STOX2: variants seen among roughly 807,000 people sequenced by gnomAD.
STOX2 encodes storkhead box 2.
A neutral mutation model predicts 60.9 loss-of-function variants in STOX2; 28 were observed. The observed-to-expected ratio is 0.46, with a 90% CI of 0.34 to 0.63. The LOEUF is 0.63. STOX2 is among the 30% of genes least tolerant of loss of function. The pLI is 0.01. For synonymous variants in STOX2, 472 were observed against 463.9 expected (o/e 1.02, Z -0.22); for missense variants, 1,024 against 1,187.7 (o/e 0.86, Z 2.03).
At chr4:183,818,303 C>T (rs557064910) in intron 1 of STOX2, among the ~76,000 whole-genome samples, 12 of 151,790 alleles carry the variant, frequency 7.9e-5, no homozygotes, top group Admixed American at 2.6e-4. Context: ...TGACTCTTAA[C>T]GAGCATGCTG....
At chr4:183,805,068 C>T (rs1404808097) in intron 1 of STOX2, among the ~76,000 whole-genome samples, 1 of 152,136 alleles carries the variant, frequency 6.6e-6, no homozygotes, top group Non-Finnish European at 1.5e-5. Context: ...TGAGGTCGAT[C>T]ATATATTTTG....
At chr4:183,953,917 C>T (rs1743168080) in intron 1 of STOX2, among the ~76,000 whole-genome samples, 1 of 152,108 alleles carries the variant, frequency 6.6e-6, no homozygotes, top group African/African-American at 2.4e-5. Flanking sequence ...CAGAGTCCTA[C>T]AGCTGGTGTG....
At chr4:183,930,240 AC>A (rs1416803412) in intron 1 of STOX2, among the ~76,000 whole-genome samples, 1 of 149,922 alleles carries the variant, frequency 6.7e-6, no homozygotes, top group Non-Finnish European at 1.5e-5. Flanking sequence ...GTCATAGCTC[AC>A]TGCAGCCACA....
In STOX2 at chr4:184,023,362, A is replaced by C. The variant is rs1195079002; in HGVS notation, c.*6078A>C. 1 of 152,222 alleles carries C rather than the reference A, an allele frequency of 6.6e-6. No individual in the cohort carries two copies. Among genetic ancestry groups the C allele is most frequent in the Non-Finnish European group, 1.5e-5 (1 of 68,026 alleles). 9.4% of individuals were successfully genotyped at this position (152,222 alleles called of 1,614,324 possible). ...TAAATGATGATTACTTGTCATGCTTAGTATAATAACTTAAAAGAAAAAAAA... is the reference window on the plus strand; with the variant it reads ...TAAATGATGATTACTTGTCATGCTTCGTATAATAACTTAAAAGAAAAAAAA... On this transcript the variant is annotated 3_prime_UTR_variant, in exon 4 of 4. Transcript: ENST00000308497.
intron 1 of STOX2, among the ~76,000 whole-genome samples, chr4:183,827,439 C>T (rs899032315): frequency 2.0e-5 from 3 of 151,982 alleles, no homozygotes; most frequent in African/African-American, 4.8e-5. Context: ...CTGCAGTGAG[C>T]TGGGATCATA....
chr4:183,923,911 G>T (rs1285566862), intron 1 of STOX2, among the ~76,000 whole-genome samples: 1 of 152,198 alleles, frequency 6.6e-6, no homozygotes, highest in African/African-American at 2.4e-5. Flanking sequence ...ACACTCTGTA[G>T]ACTGTGGTTC....
chr4:183,910,430 T>C (rs903053405), intron 1 of STOX2, among the ~76,000 whole-genome samples: 14 of 152,218 alleles, frequency 9.2e-5, no homozygotes, highest in Non-Finnish European at 1.8e-4. Flanking sequence ...TTGTGAGAGC[T>C]TTCTCTGTTA....
rs551938103 is a variant in STOX2, at chr4:183,897,865, C to T, written c.364+99810C>T. Among the ~76,000 whole-genome samples, 3 of 152,272 alleles carry T rather than the reference C, an allele frequency of 2.0e-5. No individual in the cohort carries two copies. The East Asian group carries it at 5.8e-4, about 29-fold the overall frequency. On this transcript the variant is annotated intron_variant, in intron 1 of 2. Transcript: ENST00000513034. ...AACTGCATTCACATTGGGGCTTCTCCACGCTGGTTAACATAAAAAGTGAAA... is the reference window on the plus strand; with the variant it reads ...AACTGCATTCACATTGGGGCTTCTCTACGCTGGTTAACATAAAAAGTGAAA...
intron 1 of STOX2, among the ~76,000 whole-genome samples, chr4:183,971,038 G>C (rs1446440244): frequency 6.6e-6 from 1 of 152,160 alleles, no homozygotes; most frequent in African/African-American, 2.4e-5. Context: ...TTGGGGTCAG[G>C]TTATTTGTAC....
chr4:183,864,851 C>A (rs528468455), intron 1 of STOX2, among the ~76,000 whole-genome samples: 1 of 152,194 alleles, frequency 6.6e-6, no homozygotes, highest in Non-Finnish European at 1.5e-5. Flanking sequence ...ACTTATCCGT[C>A]CCAGCAAAAC....
chr4:183,838,626 G>A (rs888757116), intron 1 of STOX2, among the ~76,000 whole-genome samples: 5 of 152,164 alleles, frequency 3.3e-5, no homozygotes, highest in African/African-American at 7.2e-5. Context: ...CCACAGCCTC[G>A]CCAGTGTGTG....
chr4:183,841,625 C>T (rs1443522338), intron 1 of STOX2, among the ~76,000 whole-genome samples: 1 of 152,114 alleles, frequency 6.6e-6, no homozygotes, highest in African/African-American at 2.4e-5. Flanking sequence ...TTGCCTTGCT[C>T]ACTATTTTTG....
intron 1 of STOX2, among the ~76,000 whole-genome samples, chr4:183,801,214 C>T (rs1413689989): frequency 6.6e-6 from 1 of 152,178 alleles, no homozygotes; most frequent in Non-Finnish European, 1.5e-5. Flanking sequence ...CAATTCACTA[C>T]TTAGAAATAA....
intron 1 of STOX2, among the ~76,000 whole-genome samples, chr4:183,843,258 G>A (rs1455534662): frequency 1.3e-5 from 2 of 152,042 alleles, no homozygotes; most frequent in East Asian, 1.9e-4. Context: ...CTTTTTGGGA[G>A]GAGGGAGAAG....
rs544464610 is a variant in STOX2 at position 184,005,649 on chromosome 4, T to C, written c.320-3509T>C. Among the ~76,000 whole-genome samples the C allele has an allele frequency of 2.0e-5, 3 of 152,286 alleles. No individual in the cohort carries two copies. In the East Asian group the frequency reaches 5.8e-4, roughly 29 times the overall value. On this transcript the variant is annotated intron_variant, in intron 2 of 3. Transcript: ENST00000308497. ...CTCATGATGAACTTTCGGAGTCGAA[T>C]TTGGAAGTAGTGGAATATGCAAACG...
At chr4:183,837,659 A>C (rs1162308469) in intron 1 of STOX2, among the ~76,000 whole-genome samples, 1 of 151,804 alleles carries the variant, frequency 6.6e-6, no homozygotes, top group Admixed American at 6.6e-5. Flanking sequence ...AGGTTTCACC[A>C]TGTTGGCCAG....
Position 183,906,814 on chromosome 4 carries a change from C to A in STOX2, c.24C>A (p.Thr8=). 6.4e-7 allele frequency: 1 copy of A among 1,558,588 alleles called. No individual in the cohort carries two copies. Among genetic ancestry groups the A allele is most frequent in the Admixed American group, 1.9e-5 (1 of 52,960 alleles). Residue 8 remains threonine (T), a synonymous_variant, in exon 1 of 4, where the codon ACC becomes ACA. Coordinates refer to ENST00000308497, the MANE Select transcript of STOX2 (RefSeq NM_020225.3). Reference sequence around the variant, plus strand: ...CCATGAAGAAGACCCGGAGCACAACCTTGCGGCGAGCCTGGCCTAGCTCGG... The same window carrying A: ...CCATGAAGAAGACCCGGAGCACAACATTGCGGCGAGCCTGGCCTAGCTCGG... MKKTRST[T]LRRAWPSSDF... is the part of the protein sequence containing the mutation.
intron 1 of STOX2, among the ~76,000 whole-genome samples, chr4:183,834,515 G>T (rs1022894619): frequency 2.0e-5 from 3 of 152,012 alleles, no homozygotes; most frequent in Admixed American, 1.3e-4. Context: ...CCAGGCTGCC[G>T]TCTTGGCTCG....
chr4:183,980,220 T>C (rs912962811), intron 1 of STOX2, among the ~76,000 whole-genome samples: 11 of 151,982 alleles, frequency 7.2e-5, no homozygotes, highest in Non-Finnish European at 1.0e-4. Context: ...TATAGGGAGG[T>C]GATACTGAGG....
Sources: gnomAD v4.1 joint callset for allele counts (sites outside exome capture counted in the v4.1 genomes callset) on GRCh38, gnomAD v4.1.1 for gene constraint, MANE v1.5 for transcripts, NCBI Gene and HGNC (gene_info 2026-07-23, HGNC 2026-07-21) for gene names.